ZBTB20: variants seen among roughly 807,000 people sequenced by gnomAD.
ZBTB20 encodes the protein zinc finger and BTB domain-containing protein 20.
In ZBTB20, 9 loss-of-function variants were observed where a neutral mutation model predicts 56.9. That is an observed-to-expected ratio of 0.16 (90% CI 0.10 to 0.28). The LOEUF is 0.28. Ranked by LOEUF, ZBTB20 falls within the 10% of genes least tolerant of loss-of-function variation. ZBTB20 has a pLI of 1.00. For synonymous variants in ZBTB20, 417 were observed against 420.7 expected (o/e 0.99, Z 0.11); for missense variants, 655 against 1,003.0 (o/e 0.65, Z 4.69).
intron 7 of ZBTB20, among the ~76,000 whole-genome samples, chr3:114,419,465 G>T (rs1480362875): frequency 6.6e-6 from 1 of 151,996 alleles, no homozygotes; most frequent in Non-Finnish European, 1.5e-5. Flanking sequence ...CACACATTTG[G>T]TACTGTGGGT....
At position 114,416,486 on chromosome 3, in the gene ZBTB20, T is replaced by C. The variant is rs1559760904; in HGVS notation, c.-254-27381A>G. On this transcript the variant is annotated intron_variant, in intron 7 of 11. Coordinates refer to ENST00000675478, the MANE Select transcript of ZBTB20 (RefSeq NM_001348800.3). ...TTGTTTTGTTTTGGTTTTGCTTCCA[T>C]GAGTGTATTGTATCCCCCACTTTCT... Among the ~76,000 whole-genome samples, 3 of 152,080 alleles carry C rather than the reference T, an allele frequency of 2.0e-5. 1 individual carries two copies. The East Asian group carries it at 5.8e-4, about 29-fold the overall frequency.
intron 10 of ZBTB20, chr3:114,378,893 G>GA (rs1206319914): frequency 3.9e-5 from 6 of 152,244 alleles, no homozygotes; most frequent in African/African-American, 9.6e-5. Context: ...TTTCTCTATA[G>GA]AAGCCTCAAC....
intron 3 of ZBTB20, among the ~76,000 whole-genome samples, chr3:114,905,199 G>C (rs1576287063): frequency 6.6e-6 from 1 of 151,908 alleles, no homozygotes; most frequent in East Asian, 1.9e-4. Context: ...TAAAATAAAA[G>C]TTTAAGAGCT....
intron 7 of ZBTB20, among the ~76,000 whole-genome samples, chr3:114,458,169 G>A (rs1476149136): frequency 6.6e-6 from 1 of 152,108 alleles, no homozygotes; most frequent in Non-Finnish European, 1.5e-5. Context: ...AGCACTTTGA[G>A]GACAGTGTTA....
chr3:114,782,402 C>T (rs994947580), intron 5 of ZBTB20, among the ~76,000 whole-genome samples: 4 of 152,032 alleles, frequency 2.6e-5, no homozygotes, highest in African/African-American at 7.2e-5. Flanking sequence ...AATGGAGGGG[C>T]GTGTTGAAGT....
intron 6 of ZBTB20, among the ~76,000 whole-genome samples, chr3:114,503,468 T>C (rs749910686): frequency 7.2e-5 from 11 of 152,342 alleles, no homozygotes; most frequent in Non-Finnish European, 1.2e-4. Flanking sequence ...TTAATCTACA[T>C]AGATTTATAT....
intron 4 of ZBTB20, among the ~76,000 whole-genome samples, chr3:114,843,482 T>C (rs1049279858): frequency 6.6e-6 from 1 of 152,228 alleles, no homozygotes; most frequent in Non-Finnish European, 1.5e-5. Flanking sequence ...TAGGTCTTCA[T>C]TCTGGTCAGT....
At chr3:114,712,233 T>C (rs2064131992) in intron 5 of ZBTB20, among the ~76,000 whole-genome samples, 1 of 152,218 alleles carries the variant, frequency 6.6e-6, no homozygotes. Context: ...TTATTTACTA[T>C]GAAACTGCTA....
At chr3:114,879,885 G>C (rs916226250) in intron 4 of ZBTB20, among the ~76,000 whole-genome samples, 1 of 152,126 alleles carries the variant, frequency 6.6e-6, no homozygotes, top group Non-Finnish European at 1.5e-5. Flanking sequence ...ACAAAGTAGT[G>C]ACCTAATTTA....
intron 6 of ZBTB20, among the ~76,000 whole-genome samples, chr3:114,535,962 A>G (rs150679620): frequency 6.6e-6 from 1 of 152,226 alleles, no homozygotes; most frequent in African/African-American, 2.4e-5. Flanking sequence ...TTATGCTAAA[A>G]TCTCTCAATA....
intron 4 of ZBTB20, among the ~76,000 whole-genome samples, chr3:114,815,330 AC>A (rs2072838499): frequency 6.6e-6 from 1 of 152,192 alleles, no homozygotes. Context: ...CATTGCAAAA[AC>A]AAAATAAAAC....
intron 2 of ZBTB20, among the ~76,000 whole-genome samples, chr3:114,992,710 A>T (rs1200713852): frequency 6.6e-6 from 1 of 151,978 alleles, no homozygotes; most frequent in Non-Finnish European, 1.5e-5. Context: ...CATCTGTAAG[A>T]TTTAGACTAG....
intron 1 of ZBTB20, among the ~76,000 whole-genome samples, chr3:115,131,669 A>G (rs1336469953): frequency 6.6e-6 from 1 of 152,228 alleles, no homozygotes; most frequent in Non-Finnish European, 1.5e-5. Flanking sequence ...TGCAAATCAT[A>G]TGCAAATTAT....
At chr3:114,488,688 C>A (rs1559860619) in intron 7 of ZBTB20, among the ~76,000 whole-genome samples, 1 of 152,152 alleles carries the variant, frequency 6.6e-6, no homozygotes, top group Non-Finnish European at 1.5e-5. Flanking sequence ...TTTACTTTTG[C>A]AGTTCCACTA....
intron 7 of ZBTB20, among the ~76,000 whole-genome samples, chr3:114,393,158 T>G (rs141139791): frequency 2.8e-4 from 43 of 152,294 alleles, no homozygotes; most frequent in African/African-American, 1.0e-3. Context: ...AACAGCAAAA[T>G]GGGCTCAAGA....
intron 5 of ZBTB20, among the ~76,000 whole-genome samples, chr3:114,701,301 C>G (rs1396923897): frequency 6.6e-6 from 1 of 152,114 alleles, no homozygotes; most frequent in African/African-American, 2.4e-5. Context: ...CCTTAGATTT[C>G]TTTCCTCATA....
At chr3:114,428,457 G>A (rs957898343) in intron 7 of ZBTB20, among the ~76,000 whole-genome samples, 2 of 152,232 alleles carry the variant, frequency 1.3e-5, no homozygotes, top group Non-Finnish European at 2.9e-5. Context: ...GAAGTGCCCT[G>A]AAGGGGCCCA....
At chr3:114,841,966 C>T (rs571061884) in intron 4 of ZBTB20, among the ~76,000 whole-genome samples, 1 of 152,302 alleles carries the variant, frequency 6.6e-6, no homozygotes, top group South Asian at 2.1e-4. Context: ...GCAAGGCTGC[C>T]TCTAATGAGA....
chr3:114,360,545 T>G, intron 10 of ZBTB20, among the ~76,000 whole-genome samples: 1 of 149,436 alleles, frequency 6.7e-6, no homozygotes, highest in Admixed American at 6.7e-5. Flanking sequence ...GTAGAGACGG[T>G]TTTCACTAAG....
Sources: gnomAD v4.1 joint callset for allele counts (sites outside exome capture counted in the v4.1 genomes callset) on GRCh38, gnomAD v4.1.1 for gene constraint, MANE v1.5 for transcripts, NCBI Gene and HGNC (gene_info 2026-07-23, HGNC 2026-07-21) for gene names.